MAPK6: variants seen among roughly 807,000 people sequenced by gnomAD.
MAPK6 encodes the protein ERK-3.
MAPK6 carries 19 observed loss-of-function variants against 59.3 expected under a neutral mutation model. That is an observed-to-expected ratio of 0.32 (90% CI 0.22 to 0.47). The LOEUF (loss-of-function observed/expected upper bound fraction) is 0.47. Ranked by LOEUF, MAPK6 falls within the 20% of genes least tolerant of loss-of-function variation. MAPK6 has a pLI of 1.00. For synonymous variants in MAPK6, 316 were observed against 290.3 expected, an observed-to-expected ratio of 1.09 and a Z score of -0.90; for missense variants, 724 against 847.9, an observed-to-expected ratio of 0.85 and a Z score of 1.81.
At chr15:52,004,611 G>A (rs913852153) in intron 3 of MAPK6, among the ~76,000 whole-genome samples, 1 of 152,124 alleles carries the variant, frequency 6.6e-6, no homozygotes, top group Non-Finnish European at 1.5e-5. Context: ...AGTCTAAGAG[G>A]GGACAGTATC....
chr15:52,001,124 C>T (rs759998744), intron 2 of MAPK6, among the ~76,000 whole-genome samples: 2 of 152,040 alleles, frequency 1.3e-5, no homozygotes, highest in Admixed American at 6.6e-5. Flanking sequence ...GGGTTACGGC[C>T]CTTATGAAAA....
chr15:52,052,275 G>C (rs534238037), intron 3 of MAPK6, among the ~76,000 whole-genome samples: 11 of 152,114 alleles, frequency 7.2e-5, no homozygotes, highest in Admixed American at 1.3e-4. Context: ...AAGAGGCTTC[G>C]GTTCCTCACC....
chr15:51,975,570 C>G (rs999697649), intron 1 of MAPK6, among the ~76,000 whole-genome samples: 1 of 151,720 alleles, frequency 6.6e-6, no homozygotes, highest in African/African-American at 2.4e-5. Context: ...TATACTTACA[C>G]CAAATCACAC....
intron 1 of MAPK6, chr15:52,035,685 G>T (rs2031219883): frequency 6.6e-6 from 1 of 151,090 alleles, no homozygotes; most frequent in South Asian, 2.1e-4. Context: ...GGGGCTTATA[G>T]TTGGGCCTCC....
intron 3 of MAPK6, among the ~76,000 whole-genome samples, chr15:52,008,127 G>A (rs1479190724): frequency 6.6e-6 from 1 of 152,074 alleles, no homozygotes; most frequent in East Asian, 1.9e-4. Context: ...GATTACAGAC[G>A]TGAGCCACTG....
intron 3 of MAPK6, among the ~76,000 whole-genome samples, chr15:52,051,757 C>T (rs953195624): frequency 3.9e-5 from 6 of 151,924 alleles, no homozygotes; most frequent in African/African-American, 1.5e-4. Flanking sequence ...GCCTGTAATC[C>T]CAGCTACTGG....
At chr15:52,015,964 G>A (rs184445020), upstream of MAPK6, among the ~76,000 whole-genome samples, 705 of 150,182 alleles carry the variant, frequency 4.7e-3, 6 homozygotes, top group Admixed American at 0.014. Context: ...GCTGAGACAG[G>A]AGAATACCTT....
At chr15:51,977,301 C>G (rs558812558) in intron 1 of MAPK6, among the ~76,000 whole-genome samples, 1 of 151,630 alleles carries the variant, frequency 6.6e-6, no homozygotes, top group South Asian at 2.1e-4. Flanking sequence ...CTGCGCCCGG[C>G]CGATCCATCT....
At chr15:52,052,525 C>T (rs1198043272) in intron 3 of MAPK6, among the ~76,000 whole-genome samples, 1 of 152,152 alleles carries the variant, frequency 6.6e-6, no homozygotes, top group Non-Finnish European at 1.5e-5. Flanking sequence ...ACTGTCTTGG[C>T]TCCTGAAAGA....
chr15:52,041,106 A>AGG (rs1388902688), intron 1 of MAPK6, among the ~76,000 whole-genome samples: 10 of 152,156 alleles, frequency 6.6e-5, no homozygotes, highest in Non-Finnish European at 2.9e-5. Context: ...CTTCCTTTTT[A>AGG]CTGCCTTGTT....
At chr15:51,988,610 T>C (rs2057198397) in intron 2 of MAPK6, among the ~76,000 whole-genome samples, 1 of 152,024 alleles carries the variant, frequency 6.6e-6, no homozygotes, top group Admixed American at 6.6e-5. Context: ...CAAGCACCTG[T>C]AGTCCCAGCT....
chr15:52,030,185 T>G (rs1361604536), intron 1 of MAPK6, among the ~76,000 whole-genome samples: 2 of 152,186 alleles, frequency 1.3e-5, no homozygotes, highest in Non-Finnish European at 2.9e-5. Flanking sequence ...GCTGGTAGCT[T>G]CTTATTCAGG....
rs144022688 is a variant in MAPK6 at position 52,059,853 on chromosome 15, T to A, written c.865+1056T>A. On this transcript the variant is annotated intron_variant, in intron 4 of 5. Transcript: ENST00000261845. ...TATCAATTGTATGCTCCATACTACT[T>A]TCTTCTTAACAGTGGAGTTTTATTT... 2.0e-3 allele frequency among the ~76,000 whole-genome samples: 299 copies of A among 152,338 alleles called. 2 individuals carry two copies. The highest frequency in any genetic ancestry group is 3.2e-3 in the Non-Finnish European group (221 of 68,026).
At position 52,064,646 on chromosome 15, in the gene MAPK6, T is replaced by C. The variant is rs2032340635; in HGVS notation, c.1812T>C (p.Cys604=). 1 of 1,611,690 alleles carries C rather than the reference T, an allele frequency of 6.2e-7. No individual in the cohort carries two copies. Among genetic ancestry groups the C allele is most frequent in the African/African-American group, 1.3e-5 (1 of 74,958 alleles). Residue 604 remains cysteine, a synonymous_variant, in exon 6 of 6, where the codon TGT becomes TGC. Coordinates refer to ENST00000261845, the MANE Select transcript of MAPK6 (RefSeq NM_002748.4). The part of the protein sequence containing the change: ...DSQFVSGGED[C]FFINQFCEVR... ...AGTTTGTGAGTGGTGGGGAGGACTG[T>C]TTTTTCATAAATCAGTTTTGTGAGG...
chr15:52,039,762 C>A (rs1195279864), intron 1 of MAPK6, among the ~76,000 whole-genome samples: 1 of 151,922 alleles, frequency 6.6e-6, no homozygotes, highest in Non-Finnish European at 1.5e-5. Flanking sequence ...GGTGTTCTGC[C>A]CACCTTGGAC....
chr15:52,015,445 C>A (rs2030205375), upstream of MAPK6, among the ~76,000 whole-genome samples: 1 of 151,768 alleles, frequency 6.6e-6, no homozygotes, highest in Admixed American at 6.6e-5. Flanking sequence ...CCGCATCTGG[C>A]CAAGCACTGA....
chr15:52,035,294 T>C (rs1473656431), intron 1 of MAPK6, among the ~76,000 whole-genome samples: 1 of 152,200 alleles, frequency 6.6e-6, no homozygotes, highest in Non-Finnish European at 1.5e-5. Context: ...CTTTTCTTCA[T>C]GGGATTCTCT....
chr15:51,983,376 G>A (rs909531900), intron 2 of MAPK6, among the ~76,000 whole-genome samples: 2 of 152,072 alleles, frequency 1.3e-5, no homozygotes, highest in Non-Finnish European at 2.9e-5. Context: ...GCTACTCAGA[G>A]GCTGAGGCAG....
chr15:51,992,921 G>A (rs2057214325), intron 2 of MAPK6, among the ~76,000 whole-genome samples: 2 of 152,080 alleles, frequency 1.3e-5, no homozygotes, highest in Admixed American at 6.6e-5. Flanking sequence ...TCACTTATCT[G>A]GAAGCTCTCC....
Sources: allele counts gnomAD v4.1 joint callset (sites outside exome capture counted in the v4.1 genomes callset), GRCh38; gene constraint gnomAD v4.1.1; transcripts MANE v1.5; gene names NCBI Gene and HGNC (gene_info 2026-07-23, HGNC 2026-07-21).